PI4KA: variants seen among roughly 807,000 people sequenced by gnomAD.
The protein encoded by PI4KA is phosphatidylinositol 4-kinase alpha.
A neutral mutation model predicts 271.4 loss-of-function variants in PI4KA; 122 were observed. The observed-to-expected ratio is 0.45, with a 90% CI of 0.39 to 0.52. PI4KA has a LOEUF of 0.52. Ranked by LOEUF, PI4KA falls within the 20% of genes least tolerant of loss-of-function variation. PI4KA has a pLI of 0.00. For synonymous variants in PI4KA, 1,041 were observed against 1,078.8 expected, an observed-to-expected ratio of 0.96 and a Z score of 0.69; for missense variants, 1,969 against 2,769.1, an observed-to-expected ratio of 0.71 and a Z score of 6.48.
intron 23 of PI4KA, among the ~76,000 whole-genome samples, chr22:20,756,960 G>A (rs1931378867): frequency 6.6e-6 from 1 of 152,174 alleles, no homozygotes; most frequent in Non-Finnish European, 1.5e-5. Flanking sequence ...CTTTAAAAAG[G>A]CCACTCTCCT....
chr22:20,787,035 T>C (rs1934300454), intron 19 of PI4KA: 4 of 1,613,942 alleles, frequency 2.5e-6, no homozygotes, highest in Non-Finnish European at 3.4e-6. Flanking sequence ...CTGCTCTTCA[T>C]GGGAAGAGTG....
At chr22:20,757,777 C>T (rs1931464947) in intron 23 of PI4KA, among the ~76,000 whole-genome samples, 1 of 152,178 alleles carries the variant, frequency 6.6e-6, no homozygotes, top group African/African-American at 2.4e-5. Context: ...CTCCTGACAT[C>T]AAGTGATCCA....
chr22:20,856,118 C>T (rs1415373464), intron 1 of PI4KA, among the ~76,000 whole-genome samples: 1 of 152,156 alleles, frequency 6.6e-6, no homozygotes, highest in African/African-American at 2.4e-5. Flanking sequence ...CCCGTCTCCA[C>T]TAAATACTAA....
At chr22:20,854,842 T>C (rs1209520784) in intron 1 of PI4KA, among the ~76,000 whole-genome samples, 1 of 152,172 alleles carries the variant, frequency 6.6e-6, no homozygotes, top group Non-Finnish European at 1.5e-5. Context: ...TACTCTAAAA[T>C]TCCTTTACTC....
Position 20,802,000 on chromosome 22 carries a change from C to T in PI4KA, c.1697G>A (p.Arg566Gln), listed in dbSNP as rs763512941. The T allele has an allele frequency of 3.7e-6, 6 of 1,614,122 alleles. No homozygotes were observed. Among genetic ancestry groups the T allele is most frequent in the East Asian group, 2.2e-5 (1 of 44,886 alleles). ...GCAGATGTTGTCAATAGCGATGTCT[C>T]GGAGCTGCTCGTACATGGAGGGCTG... ...KSQPSMYEQLRDIAIDNICRC... is the reference protein window; with the variant it reads ...KSQPSMYEQLQDIAIDNICRC... The change falls in exon 14 of 55, where the codon CGA becomes CAA. Residue 566 changes from arginine (R) to glutamine (Q), a missense_variant. Coordinates refer to ENST00000255882, the MANE Select transcript of PI4KA (RefSeq NM_058004.4).
At chr22:20,796,504 G>A (rs1388467110) in intron 17 of PI4KA, among the ~76,000 whole-genome samples, 190 bp from the exon 18 acceptor site, 2 of 152,206 alleles carry the variant, frequency 1.3e-5, no homozygotes, top group Non-Finnish European at 2.9e-5. Flanking sequence ...ACAACCTGTA[G>A]AATAAAGCCA....
rs148578000 is a variant in PI4KA, at chr22:20,819,573, G to C, written c.789+68C>G. ...GTTTACTCCAACTACAAAGAAGAGGGATTTTCTTCGCAGGGGAGCTTAACA... is the reference window on the plus strand; with the variant it reads ...GTTTACTCCAACTACAAAGAAGAGGCATTTTCTTCGCAGGGGAGCTTAACA... On this transcript the variant is annotated intron_variant, in intron 6 of 54. Coordinates refer to ENST00000255882, the MANE Select transcript of PI4KA (RefSeq NM_058004.4). The C allele has an allele frequency of 2.3e-5, 33 of 1,413,328 alleles. No homozygotes were observed. In the East Asian group the frequency reaches 7.1e-4, roughly 30 times the overall value. 87.5% of individuals were successfully genotyped at this position (1,413,328 alleles called of 1,614,324 possible).
At chr22:20,786,200 C>T (rs758397421) in intron 19 of PI4KA, 1 of 1,603,726 alleles carries the variant, frequency 6.2e-7, no homozygotes, top group East Asian at 2.2e-5. Context: ...TGCCTCAGCA[C>T]AGCCCCACCT....
At chr22:20,785,788 T>C (rs4387909) in intron 19 of PI4KA, among the ~76,000 whole-genome samples, 4,522 of 152,234 alleles carry the variant, frequency 0.03, 87 homozygotes, top group Middle Eastern at 0.061. Context: ...AAGGAAATAA[T>C]CATGCAACAG....
At chr22:20,771,036 T>C (rs1437353653) in intron 19 of PI4KA, among the ~76,000 whole-genome samples, 1 of 152,048 alleles carries the variant, frequency 6.6e-6, no homozygotes, top group East Asian at 1.9e-4. Flanking sequence ...AAAATTTTTT[T>C]CCAAGTTGGA....
rs361731 is a variant in PI4KA at position 20,817,734 on chromosome 22, C to CAAA, written c.856+746_856+748dup. Among the ~76,000 whole-genome samples, 5 of 13,972 alleles carry CAAA rather than the reference C, an allele frequency of 3.6e-4. 1 individual carries two copies. In the Admixed American group the frequency reaches 3.8e-3, roughly 11 times the overall value. 9.2% of individuals were successfully genotyped at this position (13,972 alleles called of 152,430 possible). On this transcript the variant is annotated intron_variant, in intron 7 of 54. Coordinates refer to ENST00000255882, the MANE Select transcript of PI4KA (RefSeq NM_058004.4). ...GGGTGGCAGAGTGAGACTCTCTCTC[C>CAAA]AAAAAAAAAAAAAAAAAAAAAAAAA...
Position 20,770,534 on chromosome 22 carries a change from A to AG in PI4KA, c.2329-4842dup, listed in dbSNP as rs57860055. On this transcript the variant is annotated intron_variant, in intron 19 of 54. Transcript: ENST00000255882. Reference sequence around the variant, plus strand: ...GTCTCAAAAAAAAAAAAAAAAAAAGAGAGAGAGAGAGATCGGTTTTGCTAT... The same window carrying AG: ...GTCTCAAAAAAAAAAAAAAAAAAAGAGGAGAGAGAGAGATCGGTTTTGCTAT... Among the ~76,000 whole-genome samples, 16 of 76,750 alleles carry AG rather than the reference A, an allele frequency of 2.1e-4. 4 individuals are homozygous for AG. The highest frequency in any genetic ancestry group is 7.3e-4 in the African/African-American group (13 of 17,832). 50.4% of individuals were successfully genotyped at this position (76,750 alleles called of 152,430 possible). A position where few individuals can be genotyped will look rare whatever the true frequency, so the allele number is the denominator to read the frequency against.
rs1014458921 is a variant in PI4KA, at chr22:20,795,301, A to G, written c.2277+845T>C. Among the ~76,000 whole-genome samples the G allele has an allele frequency of 2.6e-5, 4 of 152,038 alleles. No homozygotes were observed. In the East Asian group the frequency reaches 5.8e-4, roughly 22 times the overall value. ...AAAAAAAAACTTTCTAGCTCATTACAAACACCCCCTTCCCCTTTCTCTCCA... is the reference window on the plus strand; with the variant it reads ...AAAAAAAAACTTTCTAGCTCATTACGAACACCCCCTTCCCCTTTCTCTCCA... On this transcript the variant is annotated intron_variant, in intron 18 of 54. Transcript: ENST00000255882.
chr22:20,749,298 ACT>A (rs576372971), intron 28 of PI4KA, among the ~76,000 whole-genome samples: 56 of 152,118 alleles, frequency 3.7e-4, no homozygotes, highest in Non-Finnish European at 7.1e-4. Context: ...CAGCACACCC[ACT>A]CTCTGCTAAC....
intron 47 of PI4KA, among the ~76,000 whole-genome samples, 157 bp from the exon 48 acceptor site, chr22:20,713,547 G>T (rs1925605496): frequency 6.6e-6 from 1 of 152,192 alleles, no homozygotes; most frequent in African/African-American, 2.4e-5. Flanking sequence ...AGCCCAGCAG[G>T]GCCCAAGGAA....
chr22:20,750,648 C>G (rs1205345101), intron 27 of PI4KA, among the ~76,000 whole-genome samples: 1 of 152,220 alleles, frequency 6.6e-6, no homozygotes, highest in African/African-American at 2.4e-5. Flanking sequence ...AGGGCAGGCT[C>G]TGCGTGGCAA....
At chr22:20,730,821 TG>T (rs1927947553) in intron 36 of PI4KA, among the ~76,000 whole-genome samples, 1 of 151,492 alleles carries the variant, frequency 6.6e-6, no homozygotes, top group Non-Finnish European at 1.5e-5. Flanking sequence ...CCACCTGCCT[TG>T]GCCTCCCAAA....
intron 1 of PI4KA, among the ~76,000 whole-genome samples, chr22:20,850,199 G>A (rs868589063): frequency 4.6e-5 from 7 of 151,970 alleles, no homozygotes; most frequent in Non-Finnish European, 7.4e-5. Flanking sequence ...AGCAACTGCC[G>A]ACCAGAACAA....
intron 26 of PI4KA, 147 bp from the exon 27 acceptor site, chr22:20,751,523 G>T: frequency 1.1e-6 from 1 of 926,948 alleles, no homozygotes; most frequent in Non-Finnish European, 1.7e-6. Context: ...AGGTGGATTT[G>T]GGCCCCCTCA....
Sources: gnomAD v4.1 joint callset for allele counts (sites outside exome capture counted in the v4.1 genomes callset) on GRCh38, gnomAD v4.1.1 for gene constraint, MANE v1.5 for transcripts, NCBI Gene and HGNC (gene_info 2026-07-23, HGNC 2026-07-21) for gene names.